Variants in TNFSF4 observed in about 807,000 individuals in gnomAD.
TNFSF4 encodes the protein TNF superfamily member 4.
A neutral mutation model predicts 7.3 loss-of-function variants in TNFSF4; 4 were observed. The ratio of observed to expected loss-of-function variants is 0.55; its 90% CI spans 0.27 to 1.25. The LOEUF (loss-of-function observed/expected upper bound fraction) is 1.25, where lower values mean the gene tolerates loss of function less well. TNFSF4 is among the 50% of genes most tolerant of loss of function. The pLI is 0.12. For missense variants in TNFSF4, 181 were observed against 208.8 expected (o/e 0.87, Z 0.82); for synonymous variants, 76 against 83.7 (o/e 0.91, Z 0.50).
At chr1:173,280,947 C>T in the TNFSF4 span, among the ~76,000 whole-genome samples, 9 of 152,214 alleles carry the variant, frequency 5.9e-5, no homozygotes, top group South Asian at 1.9e-3. Flanking sequence ...AAGGGTACTT[C>T]TCAGTTGCTA....
In TNFSF4 at chr1:173,203,806, G is replaced by C. The variant is rs144472908; in HGVS notation, c.153+3218C>G. On this transcript the variant is annotated intron_variant, in intron 1 of 2. Coordinates refer to ENST00000281834, the MANE Select transcript of TNFSF4 (RefSeq NM_003326.5). ...GTGATATGAATCTTGGAAAAGCCAA[G>C]TTTCAATGGTTTCAGTGAGGTTTCT... Among the ~76,000 whole-genome samples the C allele has an allele frequency of 7.2e-5, 11 of 152,308 alleles. 1 individual carries two copies. In the East Asian group the frequency reaches 2.1e-3, roughly 29 times the overall value.
chr1:173,342,587 CT>C, the TNFSF4 span, among the ~76,000 whole-genome samples: 1 of 152,168 alleles, frequency 6.6e-6, no homozygotes, highest in African/African-American at 2.4e-5. Context: ...TTCAACACCT[CT>C]GTTTTCTCTT....
chr1:173,226,210 C>G, the TNFSF4 span, among the ~76,000 whole-genome samples: 2 of 152,052 alleles, frequency 1.3e-5, no homozygotes, highest in Non-Finnish European at 2.9e-5. Flanking sequence ...CCCCAAAATC[C>G]ATTCTCCCCT....
the TNFSF4 span, among the ~76,000 whole-genome samples, chr1:173,429,278 A>T: frequency 6.6e-6 from 1 of 152,168 alleles, no homozygotes; most frequent in South Asian, 2.1e-4. Context: ...AAGAGAGAAA[A>T]GACTGGCCCC....
the TNFSF4 span, among the ~76,000 whole-genome samples, chr1:173,242,918 G>C: frequency 3.4e-4 from 49 of 143,372 alleles, 1 homozygote; most frequent in Admixed American, 1.5e-3. Flanking sequence ...GTGGTACTTT[G>C]TTATATTAGA....
chr1:173,192,150 T>G (rs1557880471), intron 1 of TNFSF4, among the ~76,000 whole-genome samples: 1 of 152,208 alleles, frequency 6.6e-6, no homozygotes, highest in Admixed American at 6.5e-5. Context: ...GCCTCCAGCA[T>G]GTCCCTCCAT....
chr1:173,210,215 A>T (rs1268070715), upstream of TNFSF4, among the ~76,000 whole-genome samples: 1 of 152,190 alleles, frequency 6.6e-6, no homozygotes, highest in Admixed American at 6.5e-5. Context: ...ACACAAACAA[A>T]ACACATTTTT....
the TNFSF4 span, among the ~76,000 whole-genome samples, chr1:173,390,630 C>T: frequency 3.9e-5 from 6 of 152,140 alleles, no homozygotes; most frequent in Admixed American, 2.6e-4. Context: ...AAATTATTTC[C>T]TCTTCTCAAA....
the TNFSF4 span, among the ~76,000 whole-genome samples, chr1:173,397,189 G>C: frequency 6.6e-6 from 1 of 152,252 alleles, no homozygotes; most frequent in African/African-American, 2.4e-5. Context: ...AAAAGTTCTA[G>C]GTTAAGTGAA....
chr1:173,177,825 G>A, the TNFSF4 span, among the ~76,000 whole-genome samples: 1 of 151,960 alleles, frequency 6.6e-6, no homozygotes, highest in African/African-American at 2.4e-5. Flanking sequence ...AAAGTAATAA[G>A]TGCCATTAAA....
chr1:173,428,847 A>C, the TNFSF4 span, among the ~76,000 whole-genome samples: 2 of 152,172 alleles, frequency 1.3e-5, no homozygotes, highest in African/African-American at 4.8e-5. Flanking sequence ...TCTACTAAAA[A>C]TACAAAACTT....
the TNFSF4 span, among the ~76,000 whole-genome samples, chr1:173,445,266 C>T: frequency 6.6e-6 from 1 of 152,148 alleles, no homozygotes; most frequent in Non-Finnish European, 1.5e-5. Context: ...ACTGAAACAG[C>T]AATTTGCACA....
chr1:173,327,376 G>A, the TNFSF4 span, among the ~76,000 whole-genome samples: 1 of 152,184 alleles, frequency 6.6e-6, no homozygotes, highest in South Asian at 2.1e-4. Flanking sequence ...AGACTTAAAT[G>A]TTAGACCTAA....
At chr1:173,377,505 G>A in the TNFSF4 span, among the ~76,000 whole-genome samples, 4 of 152,208 alleles carry the variant, frequency 2.6e-5, no homozygotes, top group Non-Finnish European at 5.9e-5. Context: ...AAGTCACGAC[G>A]CCCAAGCGAG....
chr1:173,414,683 A>G, the TNFSF4 span, among the ~76,000 whole-genome samples: 3 of 152,214 alleles, frequency 2.0e-5, no homozygotes, highest in African/African-American at 7.2e-5. Flanking sequence ...ACCTGAGATG[A>G]AGCCAGTGTG....
the TNFSF4 span, among the ~76,000 whole-genome samples, chr1:173,339,381 CA>C: frequency 2.6e-5 from 4 of 151,110 alleles, no homozygotes; most frequent in Non-Finnish European, 1.5e-5. Flanking sequence ...GACCCTGTCT[CA>C]AAAAAATAAA....
At chr1:173,339,888 TA>T in the TNFSF4 span, among the ~76,000 whole-genome samples, 2 of 152,172 alleles carry the variant, frequency 1.3e-5, no homozygotes, top group African/African-American at 4.8e-5. Flanking sequence ...TGTGATAGCT[TA>T]ATGTGTCATC....
chr1:173,312,648 C>T, the TNFSF4 span, among the ~76,000 whole-genome samples: 1 of 152,038 alleles, frequency 6.6e-6, no homozygotes, highest in Admixed American at 6.6e-5. Flanking sequence ...ACCACCAGTC[C>T]CTCTCCCCCA....
the TNFSF4 span, chr1:173,418,215 G>C: frequency 6.6e-6 from 1 of 152,356 alleles, no homozygotes; most frequent in African/African-American, 2.4e-5. Flanking sequence ...AGGCAGCAGA[G>C]CTATTGTTAC....
Sources: allele counts gnomAD v4.1 joint callset (sites outside exome capture counted in the v4.1 genomes callset), GRCh38; gene constraint gnomAD v4.1.1; transcripts MANE v1.5; gene names NCBI Gene and HGNC (gene_info 2026-07-23, HGNC 2026-07-21).